RARB: variants seen among roughly 807,000 people sequenced by gnomAD.
RARB encodes the protein retinoic acid receptor beta, also known as HBV-activated protein.
A neutral mutation model predicts 51.9 loss-of-function variants in RARB; 17 were observed. The observed-to-expected ratio is 0.33, with a 90% CI of 0.22 to 0.49. The LOEUF is 0.49. Among genes scored for constraint, RARB ranks in the 20% least tolerant of loss-of-function variants. RARB has a pLI of 0.99. For missense variants in RARB, 369 were observed against 550.8 expected (o/e 0.67, Z 3.30); for synonymous variants, 215 against 195.4 (o/e 1.10, Z -0.84).
At chr3:25,068,450 A>G (rs966043320) in intron 3 of RARB, among the ~76,000 whole-genome samples, 3 of 152,194 alleles carry the variant, frequency 2.0e-5, no homozygotes, top group Non-Finnish European at 4.4e-5. Context: ...GAAGGAAACT[A>G]AGAAAACAAA....
intron 2 of RARB, among the ~76,000 whole-genome samples, chr3:24,943,537 T>A (rs941304167): frequency 6.6e-6 from 1 of 152,192 alleles, no homozygotes; most frequent in African/African-American, 2.4e-5. Flanking sequence ...CATTCTGAGC[T>A]TAAGGAATTA....
In RARB at chr3:25,370,680, G is replaced by A. The variant is rs576790113; in HGVS notation, c.179-90513G>A. ...GGGGATGGGTAGGAGAGGAGGCAGA[G>A]GCCAATGCCAGGAGCCTTGAGTGAC... On this transcript the variant is annotated intron_variant, in intron 5 of 11. Coordinates refer to the RARB transcript ENST00000383772. Among the ~76,000 whole-genome samples, 13 of 152,304 alleles carry A rather than the reference G, an allele frequency of 8.5e-5. No individual in the cohort carries two copies. The East Asian group carries it at 2.1e-3, about 25-fold the overall frequency.
intron 2 of RARB, among the ~76,000 whole-genome samples, chr3:24,939,201 C>G (rs1429387811): frequency 6.6e-6 from 1 of 152,164 alleles, no homozygotes; most frequent in Non-Finnish European, 1.5e-5. Flanking sequence ...CCAGGCTTCT[C>G]TCAAACTCCT....
At chr3:25,137,293 C>T (rs1404968131) in intron 4 of RARB, among the ~76,000 whole-genome samples, 1 of 152,004 alleles carries the variant, frequency 6.6e-6, no homozygotes, top group Non-Finnish European at 1.5e-5. Context: ...TCATTTCTTA[C>T]ATAGGACAGA....
intron 1 of RARB, among the ~76,000 whole-genome samples, chr3:24,848,485 C>A (rs923186098): frequency 6.6e-6 from 1 of 152,196 alleles, no homozygotes; most frequent in Non-Finnish European, 1.5e-5. Flanking sequence ...CTATTGACTT[C>A]TCAGTTCCTG....
chr3:25,177,836 A>T (rs1038933307), intron 5 of RARB, among the ~76,000 whole-genome samples: 1 of 152,156 alleles, frequency 6.6e-6, no homozygotes, highest in East Asian at 1.9e-4. Context: ...CTGAATTTCT[A>T]TTCTATCAAC....
intron 1 of RARB, among the ~76,000 whole-genome samples, chr3:25,460,513 T>C (rs915358031): frequency 1.2e-4 from 18 of 152,110 alleles, no homozygotes; most frequent in African/African-American, 4.3e-4. Flanking sequence ...AGTCGTACGA[T>C]TTCAGCTCAC....
intron 3 of RARB, among the ~76,000 whole-genome samples, chr3:25,088,096 A>G (rs557031259): frequency 1.7e-3 from 266 of 152,132 alleles, no homozygotes; most frequent in African/African-American, 6.1e-3. Flanking sequence ...GGAGGGAGAT[A>G]AGCAATTTCA....
chr3:25,008,273 T>C (rs2125278451), intron 2 of RARB, among the ~76,000 whole-genome samples: 1 of 152,244 alleles, frequency 6.6e-6, no homozygotes, highest in African/African-American at 2.4e-5. Context: ...CTCTCTATAA[T>C]TTTTTATCTT....
chr3:25,243,248 C>G (rs1702475297), intron 5 of RARB, among the ~76,000 whole-genome samples: 1 of 152,182 alleles, frequency 6.6e-6, no homozygotes, highest in African/African-American at 2.4e-5. Flanking sequence ...ATCATGTCAT[C>G]TGAAAACAGA....
chr3:25,193,620 A>G (rs1472496629), intron 5 of RARB, among the ~76,000 whole-genome samples: 3 of 152,012 alleles, frequency 2.0e-5, no homozygotes, highest in Admixed American at 6.6e-5. Context: ...GTATTTGTTC[A>G]TCTTATTTGT....
At position 25,228,308 on chromosome 3, in the gene RARB, T is replaced by C. The variant is rs942287461; in HGVS notation, c.178+53733T>C. Among the ~76,000 whole-genome samples the C allele has an allele frequency of 2.6e-5, 4 of 151,284 alleles. No homozygotes were observed. The South Asian group carries it at 8.4e-4, about 32-fold the overall frequency. ...TTGTTTGCCATATCTTGTATTACTT[T>C]CATTGATTTTTAGTTTCCCTTTGCA... On this transcript the variant is annotated intron_variant, in intron 5 of 11. Coordinates refer to the RARB transcript ENST00000383772.
chr3:24,987,813 A>C (rs73143054), intron 2 of RARB, among the ~76,000 whole-genome samples: 6,805 of 152,314 alleles, frequency 0.045, 493 homozygotes, highest in African/African-American at 0.15. Context: ...TCCTGTCCCC[A>C]AAACAGACAC....
At chr3:25,247,983 G>C (rs1257869553) in intron 5 of RARB, among the ~76,000 whole-genome samples, 5 of 152,158 alleles carry the variant, frequency 3.3e-5, no homozygotes, top group Non-Finnish European at 7.4e-5. Context: ...GAGTGTTGAA[G>C]TCCCCAACTA....
At chr3:25,541,450 C>T (rs187732451) in intron 3 of RARB, among the ~76,000 whole-genome samples, 8 of 152,294 alleles carry the variant, frequency 5.3e-5, no homozygotes, top group Admixed American at 5.2e-4. Context: ...TCTACCTCTC[C>T]AGTGCTTGCA....
chr3:25,295,677 A>T (rs1436251036), intron 5 of RARB, among the ~76,000 whole-genome samples: 1 of 152,172 alleles, frequency 6.6e-6, no homozygotes, highest in South Asian at 2.1e-4. Context: ...AAATTCTCCC[A>T]GGCCTAAGAT....
intron 2 of RARB, among the ~76,000 whole-genome samples, chr3:24,879,800 C>T (rs1368268576): frequency 5.3e-5 from 8 of 152,192 alleles, no homozygotes; most frequent in African/African-American, 1.9e-4. Context: ...TTGTCTTTCA[C>T]TTTTCACCAG....
At chr3:25,014,933 T>G (rs140041044) in intron 2 of RARB, among the ~76,000 whole-genome samples, 1 of 152,302 alleles carries the variant, frequency 6.6e-6, no homozygotes, top group Non-Finnish European at 1.5e-5. Flanking sequence ...TATTTGTCTT[T>G]ATGGAGTCCA....
At chr3:25,313,464 T>A (rs1704340676) in intron 5 of RARB, among the ~76,000 whole-genome samples, 1 of 152,184 alleles carries the variant, frequency 6.6e-6, no homozygotes, top group Non-Finnish European at 1.5e-5. Context: ...CCCAACTCCC[T>A]GGTATGATGT....
Sources: gnomAD v4.1 joint callset for allele counts (sites outside exome capture counted in the v4.1 genomes callset) on GRCh38, gnomAD v4.1.1 for gene constraint, MANE v1.5 for transcripts, NCBI Gene and HGNC (gene_info 2026-07-23, HGNC 2026-07-21) for gene names.